The following CTSC variants were observed in gnomAD, a reference collection of about 807,000 sequenced individuals.
CTSC encodes cathepsin C.
CTSC carries 37 observed loss-of-function variants against 40.9 expected under a neutral mutation model. That is an observed-to-expected ratio of 0.91 (90% CI 0.70 to 1.19). The LOEUF is 1.19. Among genes scored for constraint, CTSC ranks in the 50% most tolerant of loss-of-function variants. CTSC has a pLI of 0.00. For synonymous variants in CTSC, 232 were observed against 207.4 expected (o/e 1.12, Z -1.02); for missense variants, 594 against 567.3 (o/e 1.05, Z -0.48).
Position 88,296,212 on chromosome 11 carries a change from T to G in CTSC, c.810A>C (p.Arg270Ser), listed in dbSNP as rs141559924. ...GAGAATTGTTGGTTAGTATACGGATTCTCGCTTCTAGCATACCCATAGAAG... is the reference window on the plus strand; with the variant it reads ...GAGAATTGTTGGTTAGTATACGGATGCTCGCTTCTAGCATACCCATAGAAG... ...SFASMGMLEA[R>S]IRILTNNSQT... Residue 270 changes from arginine (R) to serine (S), a missense_variant, in exon 6 of 7, where the codon AGA (arginine) becomes AGC (serine). By Grantham distance (110) the Arg-to-Ser change is moderately radical. Transcript: ENST00000227266. 1.2e-6 allele frequency: 2 copies of G among 1,613,922 alleles called. No individual in the cohort carries two copies. Among genetic ancestry groups the G allele is most frequent in the African/African-American group, 2.7e-5 (2 of 74,902 alleles).
intron 4 of CTSC, among the ~76,000 whole-genome samples, chr11:88,306,144 C>T (rs1412039439): frequency 3.3e-5 from 5 of 152,162 alleles, no homozygotes; most frequent in African/African-American, 9.7e-5. Flanking sequence ...TGGAGAAATA[C>T]TGCAAAAGAT....
chr11:88,307,576 T>C (rs1156496847), intron 4 of CTSC, among the ~76,000 whole-genome samples: 1 of 150,744 alleles, frequency 6.6e-6, no homozygotes, highest in East Asian at 1.9e-4. Flanking sequence ...TTTTTTTTTT[T>C]TTTTGCTGGA....
At chr11:88,317,714 C>T (rs1937911131) in intron 2 of CTSC, among the ~76,000 whole-genome samples, 1 of 152,162 alleles carries the variant, frequency 6.6e-6, no homozygotes, top group Non-Finnish European at 1.5e-5. Context: ...CCCCGCTATC[C>T]AGCTTGAAAT....
chr11:88,328,154 T>C (rs370012646), intron 2 of CTSC: 7 of 1,613,694 alleles, frequency 4.3e-6, no homozygotes, highest in Non-Finnish European at 5.9e-6. Context: ...ATCCCCACAG[T>C]TCCCAGCTGC....
At chr11:88,332,709 A>AC (rs1938393526) in intron 2 of CTSC, among the ~76,000 whole-genome samples, 1 of 152,202 alleles carries the variant, frequency 6.6e-6, no homozygotes, top group Admixed American at 6.5e-5. Context: ...AGAGTGGTTG[A>AC]TTTTTCTGCA....
chr11:88,324,877 T>G (rs1482592323), intron 2 of CTSC: 2 of 985,360 alleles, frequency 2.0e-6, no homozygotes, highest in East Asian at 2.3e-4. Flanking sequence ...CACTGTACTC[T>G]TAATTCATCT....
rs758017974 is a variant in CTSC, at chr11:88,309,294, A to AT, written c.509dup (p.Tyr170Ter). The AT allele has an allele frequency of 6.2e-7, 1 of 1,613,894 alleles. No individual in the cohort carries two copies. The highest frequency in any genetic ancestry group is 8.5e-7 in the Non-Finnish European group (1 of 1,179,774). ...TGATAGCTTTCACAAAGTTGTGATC[A>AT]TACTTGTAGAGCCTATTAGAATACC... Reference protein sequence around the residue: ...QEKYSNRLYKYDHNFVKAINA... With the variant: ...QEKYSNRLYK The change falls in exon 4 of 7, where the codon TAT (tyrosine) becomes TAAT (stop). Residue 170 changes from tyrosine to a stop codon, truncating the protein, a stop_gained and frameshift_variant. Coordinates refer to ENST00000227266, the MANE Select transcript of CTSC (RefSeq NM_001814.6). LOFTEE classifies it high-confidence loss of function.
intron 6 of CTSC, among the ~76,000 whole-genome samples, chr11:88,295,325 T>C (rs563652141): frequency 6.8e-4 from 103 of 152,218 alleles, no homozygotes; most frequent in African/African-American, 2.5e-3. Context: ...CCTCAATCAA[T>C]TATAGCTGTG....
In CTSC at chr11:88,316,446, G is replaced by A. The variant is rs138994952; in HGVS notation, c.319-3892C>T. On this transcript the variant is annotated intron_variant, in intron 2 of 6. Coordinates refer to ENST00000227266, the MANE Select transcript of CTSC (RefSeq NM_001814.6). ...AGCAATGATCCAGCCACTGAACTCC[G>A]GCCTGGATGACAGAATCAGATCCAT... 4.2e-3 allele frequency among the ~76,000 whole-genome samples: 616 copies of A among 147,186 alleles called. 5 individuals are homozygous for A. The highest frequency in any genetic ancestry group is 0.015 in the African/African-American group (593 of 39,470).
intron 2 of CTSC, among the ~76,000 whole-genome samples, chr11:88,332,645 T>A (rs16913792): frequency 9.9e-5 from 15 of 152,218 alleles, no homozygotes; most frequent in Non-Finnish European, 2.2e-4. Flanking sequence ...TCCTATTATA[T>A]TCTACTCTGC....
intron 2 of CTSC, among the ~76,000 whole-genome samples, chr11:88,330,699 T>A (rs918895541): frequency 2.0e-5 from 3 of 152,186 alleles, no homozygotes; most frequent in Admixed American, 6.5e-5. Context: ...ACTCAAACTA[T>A]GCAAAAACTT....
intron 2 of CTSC, among the ~76,000 whole-genome samples, chr11:88,319,877 T>C (rs1157167583): frequency 2.0e-5 from 3 of 152,242 alleles, no homozygotes; most frequent in African/African-American, 2.4e-5. Context: ...TAACCAAATA[T>C]GGAAATATTA....
At chr11:88,312,620 T>C (rs1937790254) in intron 2 of CTSC, 66 bp from the exon 3 acceptor site, 1 of 1,565,162 alleles carries the variant, frequency 6.4e-7, no homozygotes, top group Non-Finnish European at 8.7e-7. Flanking sequence ...TCCATTTCCA[T>C]GGCTCTCATT....
intron 4 of CTSC, among the ~76,000 whole-genome samples, chr11:88,301,040 T>G (rs1944355072): frequency 6.6e-6 from 1 of 152,082 alleles, no homozygotes; most frequent in Admixed American, 6.6e-5. Context: ...ATGTTTGACT[T>G]AGGAGACAGA....
intron 1 of CTSC, among the ~76,000 whole-genome samples, chr11:88,336,129 AT>A (rs1186738669): frequency 6.6e-6 from 1 of 151,300 alleles, no homozygotes; most frequent in Non-Finnish European, 1.5e-5. Context: ...AGAGTTGTGT[AT>A]TTTAAAGTTT....
chr11:88,315,555 C>T (rs1937856384), intron 2 of CTSC, among the ~76,000 whole-genome samples: 1 of 152,276 alleles, frequency 6.6e-6, no homozygotes, highest in East Asian at 1.9e-4. Context: ...TTCATTTATA[C>T]ATTGTCTATG....
At chr11:88,318,298 C>T (rs548225022) in intron 2 of CTSC, among the ~76,000 whole-genome samples, 1 of 152,298 alleles carries the variant, frequency 6.6e-6, no homozygotes, top group East Asian at 1.9e-4. Context: ...CAAGTCAAAA[C>T]TAGTGAGCCT....
At chr11:88,326,164 C>G in intron 2 of CTSC, 1 of 1,306,112 alleles carries the variant, frequency 7.7e-7, no homozygotes, top group East Asian at 2.7e-5. Flanking sequence ...TTTTTTTTTC[C>G]TTTCTCCTGT....
chr11:88,296,527 CAT>C lies in CTSC; in HGVS notation c.758-265_758-264del, dbSNP rs1483176377. The C allele has an allele frequency of 7.5e-6, 3 of 400,308 alleles. No homozygotes were observed. In the East Asian group the frequency reaches 1.7e-4, roughly 23 times the overall value. 24.8% of individuals were successfully genotyped at this position (400,308 alleles called of 1,614,324 possible). Reference sequence around the variant, plus strand: ...TATTTTAGAAACTAAAAAAACCCCTCATAATTTCTGAGAAGCTTTTGGCAATA... The same window carrying C: ...TATTTTAGAAACTAAAAAAACCCCTCAATTTCTGAGAAGCTTTTGGCAATA... On this transcript the variant is annotated intron_variant, in intron 5 of 6. Transcript: ENST00000227266.
Sources: allele counts gnomAD v4.1 joint callset (sites outside exome capture counted in the v4.1 genomes callset), GRCh38; gene constraint gnomAD v4.1.1; transcripts MANE v1.5; gene names NCBI Gene and HGNC (gene_info 2026-07-23, HGNC 2026-07-21).